The following FBXL2 variants were observed in gnomAD, a reference collection of about 807,000 sequenced individuals.
The protein encoded by FBXL2 is F-box/LRR-repeat protein 2.
Under a neutral mutation model 69.2 loss-of-function variants are expected in FBXL2, and 38 were observed. That is an observed-to-expected ratio of 0.55 (90% CI 0.42 to 0.72). FBXL2 has a LOEUF of 0.72. Ranked by LOEUF, FBXL2 falls within the 30% of genes least tolerant of loss-of-function variation. FBXL2 has a pLI of 0.00. For synonymous variants in FBXL2, 192 were observed against 201.3 expected, an observed-to-expected ratio of 0.95 and a Z score of 0.39; for missense variants, 354 against 520.3, an observed-to-expected ratio of 0.68 and a Z score of 3.11.
chr3:33,411,798 T>A, the FBXL2 span: 2 of 820,484 alleles, frequency 2.4e-6, no homozygotes, highest in Non-Finnish European at 4.0e-6. Flanking sequence ...TTGAACTCTG[T>A]CTTTCAATGG....
chr3:33,412,677 T>C, the FBXL2 span: 1 of 1,272,848 alleles, frequency 7.9e-7, no homozygotes, highest in Non-Finnish European at 1.2e-6. Context: ...TGGCTATAGC[T>C]AAACAATACC....
rs1371879258 is a variant in FBXL2 at position 33,386,384 on chromosome 3, C to T, written c.*776C>T. The T allele has an allele frequency of 1.3e-5, 2 of 151,984 alleles. No individual in the cohort carries two copies. Among genetic ancestry groups the T allele is most frequent in the African/African-American group, 2.4e-5 (1 of 41,356 alleles). The allele number at this position is 151,984 out of a possible 1,614,324, so 9.4% of individuals were successfully genotyped here. A position where few individuals can be genotyped will look rare whatever the true frequency, so the allele number is the denominator to read the frequency against. ...AAAAGCTAATTATGTCCATGCCTCT[C>T]GTAAAACTGGGGGGAACCTTAAAGA... On this transcript the variant is annotated 3_prime_UTR_variant, in exon 15 of 15. Transcript: ENST00000484457.
chr3:33,303,763 C>T (rs1182728701), intron 2 of FBXL2, among the ~76,000 whole-genome samples: 4 of 151,354 alleles, frequency 2.6e-5, no homozygotes, highest in Non-Finnish European at 5.9e-5. Context: ...CTTCAATATG[C>T]AAAGAAAATC....
At chr3:33,392,720 T>G (rs1234702665), downstream of FBXL2, 2 of 1,032,814 alleles carry the variant, frequency 1.9e-6, no homozygotes, top group Non-Finnish European at 1.4e-6. Context: ...CAGGACTCAA[T>G]GGCCAAAACG....
chr3:33,331,054 A>C (rs2039123732), intron 2 of FBXL2, among the ~76,000 whole-genome samples: 1 of 151,672 alleles, frequency 6.6e-6, no homozygotes, highest in Non-Finnish European at 1.5e-5. Context: ...AAGGTTTTTA[A>C]ATACTTTAAA....
intron 12 of FBXL2, chr3:33,393,219 CAAAAGAGG>C: frequency 7.7e-7 from 1 of 1,292,336 alleles, no homozygotes; most frequent in Non-Finnish European, 1.0e-6. Context: ...TAAGTATTTT[CAAAAGAGG>C]TCACAGAATT....
chr3:33,302,555 A>G (rs537337090), intron 2 of FBXL2, among the ~76,000 whole-genome samples: 4 of 152,334 alleles, frequency 2.6e-5, no homozygotes, highest in African/African-American at 7.2e-5. Flanking sequence ...AAAACCCCTC[A>G]TAGGAGACAG....
chr3:33,420,031 C>T, the FBXL2 span, among the ~76,000 whole-genome samples: 1 of 152,012 alleles, frequency 6.6e-6, no homozygotes, highest in African/African-American at 2.4e-5. Flanking sequence ...ATTCATGTCC[C>T]CACCCACCTT....
intron 2 of FBXL2, among the ~76,000 whole-genome samples, chr3:33,333,192 A>G (rs1480993872): frequency 1.3e-5 from 2 of 152,206 alleles, no homozygotes; most frequent in Non-Finnish European, 1.5e-5. Flanking sequence ...TGAATGGATT[A>G]AATTGCACAC....
downstream of FBXL2, chr3:33,408,662 A>G: frequency 6.3e-7 from 1 of 1,590,778 alleles, no homozygotes; most frequent in Non-Finnish European, 8.6e-7. Context: ...TTTCTTGCAC[A>G]ATGAAAAGAG....
In FBXL2 at chr3:33,364,685, C is replaced by A; in HGVS notation, c.256C>A (p.Arg86=). 6.2e-7 allele frequency: 1 copy of A among 1,614,102 alleles called. No individual in the cohort carries two copies. Among genetic ancestry groups the A allele is most frequent in the Non-Finnish European group, 8.5e-7 (1 of 1,180,008 alleles). ...TGGATTCCTGAGGAAGCTCAGCTTG[C>A]GAGGCTGCATTGGTGTTGGGGATTC... is the stretch of plus-strand genomic sequence containing the variant. The part of the protein sequence containing the change: ...CGGFLRKLSL[R]GCIGVGDSSL... The change falls in exon 5 of 15, where the codon CGA becomes AGA. Residue 86 remains arginine (R), a synonymous_variant. Coordinates refer to ENST00000484457, the MANE Select transcript of FBXL2 (RefSeq NM_012157.5).
At chr3:33,385,371 C>T (rs2043358025) in intron 14 of FBXL2, 130 bp from the exon 15 acceptor site, 1 of 845,932 alleles carries the variant, frequency 1.2e-6, no homozygotes, top group Non-Finnish European at 2.0e-6. Flanking sequence ...TAGCTCTAAT[C>T]TATAGCATAA....
rs747317919 is a variant in FBXL2, at chr3:33,393,477, A to C, written n.1214+7749A>C. The C allele has an allele frequency of 2.0e-5, 32 of 1,588,924 alleles. No individual in the cohort carries two copies. The highest frequency in any genetic ancestry group is 5.4e-5 in the Admixed American group (3 of 55,298). On this transcript the variant is annotated intron_variant and non_coding_transcript_variant, in intron 12 of 12. Transcript: ENST00000463736. ...AAACTGAAATTAAAAAAAAAAAAAG[A>C]AAAGCATTTTAACAGTAATCTTTGA...
intron 2 of FBXL2, among the ~76,000 whole-genome samples, chr3:33,321,385 G>A (rs988076198): frequency 4.0e-5 from 6 of 151,678 alleles, no homozygotes; most frequent in African/African-American, 1.5e-4. Context: ...GTATTTTAAA[G>A]GAGAGGAAGC....
chr3:33,277,364 C>T (rs1261784031), upstream of FBXL2: 1 of 841,942 alleles, frequency 1.2e-6, no homozygotes, highest in South Asian at 5.9e-5. Flanking sequence ...GGCACCGCCC[C>T]TGCGGGTCAC....
In FBXL2 at chr3:33,385,660, C is replaced by T; in HGVS notation, c.*52C>T. ...ATGAGGCATCCTTTCCTCTAGAAGA[C>T]CTGAGTCTTCCTGACCGACTCCACC... is the stretch of plus-strand genomic sequence containing the variant. On this transcript the variant is annotated 3_prime_UTR_variant, in exon 15 of 15. Transcript: ENST00000484457. The T allele has an allele frequency of 7.2e-7, 1 of 1,392,460 alleles. No individual in the cohort carries two copies. The highest frequency in any genetic ancestry group is 1.0e-6 in the Non-Finnish European group (1 of 979,960). 86.3% of individuals were successfully genotyped at this position (1,392,460 alleles called of 1,614,324 possible).
At chr3:33,358,455 C>G (rs747756825) in intron 2 of FBXL2, among the ~76,000 whole-genome samples, 7 of 152,182 alleles carry the variant, frequency 4.6e-5, no homozygotes, top group South Asian at 2.1e-4. Context: ...CCCATCTTTC[C>G]TATGTTCTCT....
downstream of FBXL2, among the ~76,000 whole-genome samples, chr3:33,407,881 T>C (rs1311972734): frequency 6.6e-6 from 1 of 152,238 alleles, no homozygotes; most frequent in Admixed American, 6.5e-5. Context: ...TTACTGAAGG[T>C]ATGTAGCTGA....
intron 2 of FBXL2, among the ~76,000 whole-genome samples, chr3:33,346,513 C>A (rs962668196): frequency 1.3e-5 from 2 of 151,976 alleles, no homozygotes; most frequent in Non-Finnish European, 2.9e-5. Flanking sequence ...GAGCTATGAT[C>A]ACCCCACTGT....
Sources: allele counts gnomAD v4.1 joint callset (sites outside exome capture counted in the v4.1 genomes callset), GRCh38; gene constraint gnomAD v4.1.1; transcripts MANE v1.5; gene names NCBI Gene and HGNC (gene_info 2026-07-23, HGNC 2026-07-21).